The following PRSS8 variants were observed in gnomAD, a reference collection of about 807,000 sequenced individuals.
The protein encoded by PRSS8 is serine protease 8.
In PRSS8, 11 loss-of-function variants were observed where a neutral mutation model predicts 26.7. The ratio of observed to expected loss-of-function variants is 0.41; its 90% CI spans 0.26 to 0.68. The LOEUF (loss-of-function observed/expected upper bound fraction) is 0.68. PRSS8 is among the 30% of genes least tolerant of loss of function. PRSS8 has a pLI of 0.30. For missense variants in PRSS8, 362 were observed against 443.5 expected (o/e 0.82, Z 1.65); for synonymous variants, 183 against 187.0 (o/e 0.98, Z 0.17).
In PRSS8 at chr16:31,132,911, G is replaced by C; in HGVS notation, c.309C>G (p.His103Gln). Reference sequence around the variant, plus strand: ...CGTCCTCGGAGTAGGAGTCTAGCTGGTGGGCCCCCAGCTTGACCTCATAGG... The same window carrying C: ...CGTCCTCGGAGTAGGAGTCTAGCTGCTGGGCCCCCAGCTTGACCTCATAGG... ...KEAYEVKLGA[H>Q]QLDSYSEDAK... is the part of the protein sequence containing the mutation. The change falls in exon 4 of 6, where the codon CAC becomes CAG. Residue 103 changes from histidine (H) to glutamine (Q), a missense_variant. By Grantham distance (24) the His-to-Gln change is conservative (BLOSUM62 0). Coordinates refer to ENST00000317508, the MANE Select transcript of PRSS8 (RefSeq NM_002773.5). The surrounding 1 kb of genome is among the most constrained non-coding windows in gnomAD (Gnocchi z 5.2). 6.2e-7 allele frequency: 1 copy of C among 1,613,290 alleles called. No homozygotes were observed. Among genetic ancestry groups the C allele is most frequent in the Non-Finnish European group, 8.5e-7 (1 of 1,179,534 alleles).
At position 31,132,902 on chromosome 16, in the gene PRSS8, G is replaced by C; in HGVS notation, c.318C>G (p.Asp106Glu). The C allele has an allele frequency of 6.2e-7, 1 of 1,613,510 alleles. No individual in the cohort carries two copies. The highest frequency in any genetic ancestry group is 8.5e-7 in the Non-Finnish European group (1 of 1,179,660). Residue 106 changes from aspartate (D) to glutamate (E), a missense_variant, in exon 4 of 6, where the codon GAC becomes GAG. Coordinates refer to ENST00000317508, the MANE Select transcript of PRSS8 (RefSeq NM_002773.5). This position sits in a 1 kb window ranked among gnomAD's most constrained non-coding sequence, Gnocchi z 5.2. ...YEVKLGAHQL[D>E]SYSEDAKVST... ...TGACCTTGGCGTCCTCGGAGTAGGAGTCTAGCTGGTGGGCCCCCAGCTTGA... is the reference window on the plus strand; with the variant it reads ...TGACCTTGGCGTCCTCGGAGTAGGACTCTAGCTGGTGGGCCCCCAGCTTGA...
At position 31,133,368 on chromosome 16, in the gene PRSS8, G is replaced by T; in HGVS notation, c.124C>A (p.Gln42Lys). 1.2e-6 allele frequency: 2 copies of T among 1,613,828 alleles called. No individual in the cohort carries two copies. The highest frequency in any genetic ancestry group is 2.2e-5 in the South Asian group (2 of 91,074). ...CTGCTGCCACCTGTGATGCGTGCTT[G>T]GGGGGCCACACCGCAGGGAGCTGCC... ...GAEAPCGVAP[Q>K]ARITGGSSAV... Residue 42 changes from glutamine to lysine, a missense_variant, in exon 3 of 6, where the codon CAA becomes AAA. By Grantham distance (53) the Gln-to-Lys change is moderately conservative (BLOSUM62 1). Transcript: ENST00000317508. The surrounding 1 kb of genome is among the most constrained non-coding windows in gnomAD (Gnocchi z 4.7).
At position 31,131,856 on chromosome 16, in the gene PRSS8, G is replaced by T; in HGVS notation, c.*153C>A. The T allele has an allele frequency of 1.2e-6, 1 of 802,586 alleles. No individual in the cohort carries two copies. Among genetic ancestry groups the T allele is most frequent in the Non-Finnish European group, 1.9e-6 (1 of 527,268 alleles). 49.7% of individuals were successfully genotyped at this position (802,586 alleles called of 1,614,324 possible). On this transcript the variant is annotated 3_prime_UTR_variant, in exon 6 of 6. Coordinates refer to ENST00000317508, the MANE Select transcript of PRSS8 (RefSeq NM_002773.5). ...ATGGTCCCAAAAAGCACACCCAGAA[G>T]AATGGGCTCAAAGATCAAGATGGGG...
At chr16:31,135,299 G>C in intron 1 of PRSS8, 115 bp downstream of exon 1, 1 of 1,582,294 alleles carries the variant, frequency 6.3e-7, no homozygotes, top group Non-Finnish European at 8.7e-7. Flanking sequence ...GAGAGGCCAA[G>C]AGCTAGGGAG....
At chr16:31,135,386 C>A (rs1433164902) in intron 1 of PRSS8, 28 bp downstream of exon 1, 1 of 1,580,840 alleles carries the variant, frequency 6.3e-7, no homozygotes, top group Admixed American at 1.8e-5. Context: ...GTGCATTGTC[C>A]CCACCCTGCC....
At chr16:31,135,312 CG>C in intron 1 of PRSS8, 101 bp downstream of exon 1, 4 of 1,578,310 alleles carry the variant, frequency 2.5e-6, no homozygotes, top group Non-Finnish European at 2.6e-6. Context: ...CTAGGGAGGC[CG>C]GGGGTTTTCT....
rs769344474 is a variant in PRSS8, at chr16:31,135,463, C to T, written c.36G>A (p.Leu12=). Residue 12 remains leucine (L), a synonymous_variant, in exon 1 of 6, where the codon CTG becomes CTA. Transcript: ENST00000317508. Reference sequence around the variant, plus strand: ...GATAGAGCAGAATGGCCACAGCCCCCAGCTGCCCAGGCCCCAGGACCCCCT... The same window carrying T: ...GATAGAGCAGAATGGCCACAGCCCCTAGCTGCCCAGGCCCCAGGACCCCCT... The part of the protein sequence containing the change: ...AQKGVLGPGQ[L]GAVAILLYLG... The T allele has an allele frequency of 2.5e-6, 4 of 1,588,648 alleles. No individual in the cohort carries two copies. The East Asian group carries it at 6.9e-5, about 28-fold the overall frequency.
chr16:31,135,047 C>T, intron 2 of PRSS8, 107 bp downstream of exon 2: 1 of 1,387,338 alleles, frequency 7.2e-7, no homozygotes. Context: ...CTAAGAGAAT[C>T]TAGTTGGAAG....
In PRSS8 at chr16:31,131,948, C is replaced by G. The variant is rs373266904; in HGVS notation, c.*61G>C. The G allele has an allele frequency of 5.8e-5, 85 of 1,459,418 alleles. No homozygotes were observed. The East Asian group carries it at 6.0e-4, about 10-fold the overall frequency. The allele number at this position is 1,459,418 out of a possible 1,614,324, so 90.4% of individuals were successfully genotyped here. On this transcript the variant is annotated 3_prime_UTR_variant, in exon 6 of 6. Coordinates refer to ENST00000317508, the MANE Select transcript of PRSS8 (RefSeq NM_002773.5). ...GTCAGGCCCTGGGTCCAAAGGCCATCAGGGAAGGACCAGGCTCCTGTCCTT... is the reference window on the plus strand; with the variant it reads ...GTCAGGCCCTGGGTCCAAAGGCCATGAGGGAAGGACCAGGCTCCTGTCCTT...
In PRSS8 at chr16:31,131,716, T is replaced by C. The variant is rs1051189028; in HGVS notation, c.*293A>G. On this transcript the variant is annotated 3_prime_UTR_variant, in exon 6 of 6. Coordinates refer to ENST00000317508, the MANE Select transcript of PRSS8 (RefSeq NM_002773.5). ...AGGTGGGAGCCAGGGCTCATTTTCA[T>C]AGCCAAGGGTCCCAGGAGCTCCCCA... The C allele has an allele frequency of 4.9e-5, 21 of 430,500 alleles. No individual in the cohort carries two copies. The highest frequency in any genetic ancestry group is 7.9e-5 in the Admixed American group (2 of 25,382). The allele number at this position is 430,500 out of a possible 1,614,324, so 26.7% of individuals were successfully genotyped here.
Position 31,133,333 on chromosome 16 carries a change from G to T in PRSS8, c.159C>A (p.Ala53=). The change falls in exon 3 of 6, where the codon GCC becomes GCA. Residue 53 remains alanine (A), a synonymous_variant. Transcript: ENST00000317508. The surrounding 1 kb of genome is among the most constrained non-coding windows in gnomAD (Gnocchi z 4.7). ...ARITGGSSAV[A]GQWPWQVSIT... is the part of the protein sequence containing the mutation. ...TGCTGACCTGCCAGGGCCACTGACC[G>T]GCGACTGCACTGCTGCCACCTGTGA... 2 of 1,613,980 alleles carry T rather than the reference G, an allele frequency of 1.2e-6. No individual in the cohort carries two copies. The highest frequency in any genetic ancestry group is 2.7e-5 in the African/African-American group (2 of 75,038).
At position 31,135,431 on chromosome 16, in the gene PRSS8, A is replaced by T. The variant is rs746786812; in HGVS notation, c.68T>A (p.Leu23Ter). Residue 23 changes from leucine (L) to a stop codon, truncating the protein, a stop_gained, in exon 1 of 6, where the codon TTA (leucine) becomes TAA (stop). Transcript: ENST00000317508. LOFTEE classifies it high-confidence loss of function. ...TCACTTACCTGTCCCCGACCGGAGT[A>T]ATCCAAGATAGAGCAGAATGGCCAC... is the stretch of plus-strand genomic sequence containing the variant. Reference protein sequence around the residue: ...GAVAILLYLGLLRSGTGAEGA... With the variant: ...GAVAILLYLG 1 of 1,594,744 alleles carries T rather than the reference A, an allele frequency of 6.3e-7. No individual in the cohort carries two copies. Among genetic ancestry groups the T allele is most frequent in the Non-Finnish European group, 8.5e-7 (1 of 1,171,248 alleles).
chr16:31,135,250 G>A (rs996343558), intron 1 of PRSS8, 79 bp from the exon 2 acceptor site: 1 of 1,605,984 alleles, frequency 6.2e-7, no homozygotes, highest in African/African-American at 1.3e-5. Flanking sequence ...CACTGCTCCA[G>A]AGGGCTGGCC....
Position 31,133,059 on chromosome 16 carries a change from A to G in PRSS8, c.267-106T>C, listed in dbSNP as rs1398295523. 16 of 1,580,474 alleles carry G rather than the reference A, an allele frequency of 1.0e-5. No homozygotes were observed. In the East Asian group the frequency reaches 1.1e-4, roughly 11 times the overall value. ...CAGCCCCTTTTAGGTCTCAAATTGC[A>G]CCTTAGTTTTATCATGTAACCTCTG... On this transcript the variant is annotated intron_variant, in intron 3 of 5. Coordinates refer to ENST00000317508, the MANE Select transcript of PRSS8 (RefSeq NM_002773.5). The surrounding 1 kb of genome is among the most constrained non-coding windows in gnomAD (Gnocchi z 4.7).
rs1346346512 is a variant in PRSS8, at chr16:31,132,123, A to G, written c.918T>C (p.Cys306=). ...CAGAGCTGAAGGCCAGGTGGCTGCC[A>G]CAGAGGTTGCTGTCGGGCTGGGACT... ...TQESQPDSNL[C]GSHLAFSSAP... Residue 306 remains cysteine (C), a synonymous_variant, in exon 6 of 6, where the codon TGT becomes TGC. Coordinates refer to ENST00000317508, the MANE Select transcript of PRSS8 (RefSeq NM_002773.5). The surrounding 1 kb of genome is among the most constrained non-coding windows in gnomAD (Gnocchi z 5.2). The G allele has an allele frequency of 1.2e-6, 2 of 1,613,336 alleles. No homozygotes were observed. The highest frequency in any genetic ancestry group is 2.2e-5 in the East Asian group (1 of 44,878).
chr16:31,134,889 CA>C (rs930644841), intron 2 of PRSS8: 20 of 521,388 alleles, frequency 3.8e-5, no homozygotes, highest in Non-Finnish European at 6.2e-5. Context: ...AGACAAAAAC[CA>C]AACCAAAAAA....
rs1289757955 is a variant in PRSS8, at chr16:31,131,970, C to G, written c.*39G>C. 2.0e-6 allele frequency: 3 copies of G among 1,499,208 alleles called. No individual in the cohort carries two copies. The South Asian group carries it at 4.0e-5, about 20-fold the overall frequency. The allele number at this position is 1,499,208 out of a possible 1,614,324, so 92.9% of individuals were successfully genotyped here. Reference sequence around the variant, plus strand: ...CATCAGGGAAGGACCAGGCTCCTGTCCTTGAGTGTGATGCATCCATCCTGG... The same window carrying G: ...CATCAGGGAAGGACCAGGCTCCTGTGCTTGAGTGTGATGCATCCATCCTGG... On this transcript the variant is annotated 3_prime_UTR_variant, in exon 6 of 6. Coordinates refer to ENST00000317508, the MANE Select transcript of PRSS8 (RefSeq NM_002773.5).
rs2855477 is a variant in PRSS8, at chr16:31,133,503, C to T, written c.104-115G>A. The stretch of plus-strand genomic sequence containing the variant: ...TTCACAGGAGTCAACACCCCTTTGT[C>T]CCCTCCCAGGCATGGGCAGTTGTGC... On this transcript the variant is annotated intron_variant, in intron 2 of 5. Transcript: ENST00000317508. This position sits in a 1 kb window ranked among gnomAD's most constrained non-coding sequence, Gnocchi z 4.7. The T allele has an allele frequency of 2.1e-5, 27 of 1,313,108 alleles. 1 individual carries two copies. In the South Asian group the frequency reaches 3.8e-4, roughly 18 times the overall value. 81.3% of individuals were successfully genotyped at this position (1,313,108 alleles called of 1,614,324 possible). A position where few individuals can be genotyped will look rare whatever the true frequency, so the allele number is the denominator to read the frequency against.
Position 31,133,373 on chromosome 16 carries a change from G to A in PRSS8, c.119C>T (p.Ala40Val), listed in dbSNP as rs1305481116. The part of the protein sequence containing the change: ...AEGAEAPCGV[A>V]PQARITGGSS... ...GCCACCTGTGATGCGTGCTTGGGGGGCCACACCGCAGGGAGCTGCCCAGGG... is the reference window on the plus strand; with the variant it reads ...GCCACCTGTGATGCGTGCTTGGGGGACCACACCGCAGGGAGCTGCCCAGGG... The change falls in exon 3 of 6, where the codon GCC becomes GTC. Residue 40 changes from alanine to valine, a missense_variant. Transcript: ENST00000317508. The surrounding 1 kb of genome is among the most constrained non-coding windows in gnomAD (Gnocchi z 4.7). 3.1e-6 allele frequency: 5 copies of A among 1,613,860 alleles called. No individual in the cohort carries two copies. The highest frequency in any genetic ancestry group is 3.3e-5 in the Admixed American group (2 of 60,022).
Sources: gnomAD v4.1 joint callset for allele counts on GRCh38, gnomAD v4.1.1 for gene constraint, Gnocchi (gnomAD v3.1) non-coding constraint, MANE v1.5 for transcripts, NCBI Gene and HGNC (gene_info 2026-07-23, HGNC 2026-07-21) for gene names.